The following SHTN1 variants were observed in gnomAD, a reference collection of about 807,000 sequenced individuals.
SHTN1 encodes shootin-1.
SHTN1 carries 42 observed loss-of-function variants against 83.1 expected under a neutral mutation model. That is an observed-to-expected ratio of 0.51 (90% confidence interval 0.39 to 0.65). The LOEUF (loss-of-function observed/expected upper bound fraction) is 0.65. Among genes scored for constraint, SHTN1 ranks in the 30% least tolerant of loss-of-function variants. The pLI is 0.00. For missense variants in SHTN1, 622 were observed against 737.8 expected (o/e 0.84, Z 1.82); for synonymous variants, 224 against 247.7 (o/e 0.90, Z 0.90).
chr10:117,113,378 G>GTTCA (rs773280171), intron 1 of SHTN1, among the ~76,000 whole-genome samples: 1 of 152,172 alleles, frequency 6.6e-6, no homozygotes, highest in Non-Finnish European at 1.5e-5. Context: ...GCCTCTTGAT[G>GTTCA]TTCATAAAAG....
chr10:117,035,978 T>C (rs920951024), intron 2 of SHTN1, among the ~76,000 whole-genome samples: 3 of 141,750 alleles, frequency 2.1e-5, no homozygotes, highest in African/African-American at 2.5e-5. Context: ...GGCAAAAGAC[T>C]TGAATCGACA....
chr10:116,887,496 C>A (rs939421433), intron 16 of SHTN1, among the ~76,000 whole-genome samples: 10 of 152,080 alleles, frequency 6.6e-5, no homozygotes, highest in Non-Finnish European at 1.3e-4. Flanking sequence ...ACCCGGCACA[C>A]CACCATCCCA....
At chr10:116,964,386 C>A (rs1166065663) in intron 3 of SHTN1, among the ~76,000 whole-genome samples, 3 of 152,204 alleles carry the variant, frequency 2.0e-5, no homozygotes, top group South Asian at 4.1e-4. Flanking sequence ...CTGGTAAAAC[C>A]CAGTTAAAAC....
At chr10:116,941,240 T>A (rs1849362674) in intron 8 of SHTN1, among the ~76,000 whole-genome samples, 1 of 152,210 alleles carries the variant, frequency 6.6e-6, no homozygotes. Flanking sequence ...TCTGGCTAAG[T>A]TCCTCTACTA....
intron 2 of SHTN1, among the ~76,000 whole-genome samples, chr10:117,030,511 A>T (rs1852399710): frequency 6.6e-6 from 1 of 152,116 alleles, no homozygotes; most frequent in Non-Finnish European, 1.5e-5. Flanking sequence ...TGAACTAAAT[A>T]ATGCACCAGG....
intron 2 of SHTN1, among the ~76,000 whole-genome samples, chr10:117,021,294 T>TA (rs1481452568): frequency 1.3e-5 from 2 of 152,124 alleles, no homozygotes; most frequent in Non-Finnish European, 2.9e-5. Flanking sequence ...CTTCTTTCCC[T>TA]ACTGGGGAGG....
chr10:117,066,777 A>G (rs1317045377), intron 1 of SHTN1, among the ~76,000 whole-genome samples: 1 of 152,236 alleles, frequency 6.6e-6, no homozygotes, highest in Non-Finnish European at 1.5e-5. Flanking sequence ...GACTTCTTTC[A>G]TTCAACTGAT....
intron 1 of SHTN1, among the ~76,000 whole-genome samples, chr10:117,051,942 AG>A (rs1157773795): frequency 9.7e-5 from 14 of 143,886 alleles, no homozygotes; most frequent in African/African-American, 3.3e-4. Flanking sequence ...AAGAAATAAA[AG>A]TCATCCAAAT....
chr10:116,982,712 G>A (rs913336303), intron 1 of SHTN1, among the ~76,000 whole-genome samples: 10 of 152,134 alleles, frequency 6.6e-5, no homozygotes, highest in African/African-American at 2.4e-4. Flanking sequence ...ATCCCAACAT[G>A]TTGGGAGGCC....
At position 116,882,295 on chromosome 10, in the gene SHTN1, G is replaced by T. The variant is rs1847039820; in HGVS notation, c.*4049C>A. On this transcript the variant is annotated 3_prime_UTR_variant, in exon 17 of 17. Coordinates refer to ENST00000355371, the MANE Select transcript of SHTN1 (RefSeq NM_001127211.3). ...CTTAGATCCTTTTTGGAGTAAGAAT[G>T]AGTATAAATGAATAAGCACATCAGT... 1 of 151,318 alleles carries T rather than the reference G, an allele frequency of 6.6e-6. No homozygotes were observed. The allele number at this position is 151,318 out of a possible 1,614,324, so 9.4% of individuals were successfully genotyped here.
intron 5 of SHTN1, among the ~76,000 whole-genome samples, chr10:116,953,043 G>T (rs1054237900): frequency 2.0e-5 from 3 of 152,138 alleles, no homozygotes; most frequent in Non-Finnish European, 4.4e-5. Context: ...TTAGCTTGAG[G>T]GGTTGAAGAG....
chr10:116,957,507 G>C (rs1020678246), intron 4 of SHTN1, among the ~76,000 whole-genome samples: 1 of 151,154 alleles, frequency 6.6e-6, no homozygotes, highest in African/African-American at 2.4e-5. Flanking sequence ...GCCCACCTCA[G>C]CCTCCCAAAG....
At chr10:117,052,308 T>C (rs1446731545) in intron 1 of SHTN1, among the ~76,000 whole-genome samples, 4 of 151,978 alleles carry the variant, frequency 2.6e-5, no homozygotes, top group Non-Finnish European at 5.9e-5. Flanking sequence ...ACAATCCATG[T>C]TCATGTACTA....
chr10:117,086,215 T>A (rs981968072), intron 1 of SHTN1, among the ~76,000 whole-genome samples: 1 of 152,128 alleles, frequency 6.6e-6, no homozygotes. Flanking sequence ...ACCGCGTCCA[T>A]CATGAGCCAC....
intron 1 of SHTN1, among the ~76,000 whole-genome samples, chr10:117,057,223 G>A (rs1306465705): frequency 6.6e-6 from 1 of 152,170 alleles, no homozygotes; most frequent in Non-Finnish European, 1.5e-5. Flanking sequence ...GCAGCTTCCA[G>A]AGGAAGACTT....
chr10:116,927,075 A>G (rs1360169432), intron 11 of SHTN1, among the ~76,000 whole-genome samples: 1 of 152,222 alleles, frequency 6.6e-6, no homozygotes, highest in East Asian at 1.9e-4. Context: ...GAGGTTAGGG[A>G]TAAAAGTAAT....
chr10:116,996,547 G>A (rs961153706), intron 1 of SHTN1, among the ~76,000 whole-genome samples: 1 of 152,172 alleles, frequency 6.6e-6, no homozygotes, highest in African/African-American at 2.4e-5. Flanking sequence ...AAGACACTTT[G>A]AGCCTAAGAT....
intron 2 of SHTN1, among the ~76,000 whole-genome samples, chr10:117,014,712 A>G (rs1189919656): frequency 6.6e-6 from 1 of 152,234 alleles, no homozygotes; most frequent in Non-Finnish European, 1.5e-5. Context: ...ATTGTACAAT[A>G]AAAACCATAG....
At chr10:116,892,256 A>T (rs1847362760) in intron 16 of SHTN1, among the ~76,000 whole-genome samples, 1 of 152,170 alleles carries the variant, frequency 6.6e-6, no homozygotes, top group Non-Finnish European at 1.5e-5. Flanking sequence ...GCTGGACTGC[A>T]CACATTTACA....
Sources: gnomAD v4.1 joint callset for allele counts (sites outside exome capture counted in the v4.1 genomes callset) on GRCh38, gnomAD v4.1.1 for gene constraint, MANE v1.5 for transcripts, NCBI Gene and HGNC (gene_info 2026-07-23, HGNC 2026-07-21) for gene names.